The following LRP1B variants were observed in gnomAD, a reference collection of about 807,000 sequenced individuals.
LRP1B encodes the protein low-density lipoprotein receptor-related protein 1B.
LRP1B carries 217 observed loss-of-function variants against 556.6 expected under a neutral mutation model. That is an observed-to-expected ratio of 0.39 (90% CI 0.35 to 0.44). The LOEUF is 0.44. Ranked by LOEUF, LRP1B falls within the 20% of genes least tolerant of loss-of-function variation. LRP1B has a pLI of 1.00. For synonymous variants in LRP1B, 2,047 were observed against 1,865.8 expected, an observed-to-expected ratio of 1.10 and a Z score of -2.50; for missense variants, 5,053 against 5,620.8, an observed-to-expected ratio of 0.90 and a Z score of 3.23.
intron 3 of LRP1B, among the ~76,000 whole-genome samples, chr2:141,399,125 G>A (rs750194671): frequency 2.6e-5 from 4 of 151,910 alleles, no homozygotes; most frequent in African/African-American, 4.8e-5. Context: ...GCGTGGTGGC[G>A]CACTCCTGTA....
chr2:140,826,532 T>C (rs2105065320), intron 31 of LRP1B, among the ~76,000 whole-genome samples: 1 of 152,262 alleles, frequency 6.6e-6, no homozygotes, highest in African/African-American at 2.4e-5. Context: ...AACTCAAGTC[T>C]GAGACTGAGA....
intron 1 of LRP1B, among the ~76,000 whole-genome samples, chr2:142,062,502 C>T (rs1400098628): frequency 2.0e-5 from 3 of 151,628 alleles, no homozygotes; most frequent in Non-Finnish European, 4.4e-5. Context: ...AAAGCTGAGG[C>T]AAAATTTTGA....
intron 7 of LRP1B, among the ~76,000 whole-genome samples, chr2:141,106,119 C>A (rs985080326): frequency 3.9e-5 from 6 of 152,142 alleles, no homozygotes; most frequent in African/African-American, 1.2e-4. Flanking sequence ...TCTCACTTTA[C>A]TTAGAAACAA....
intron 35 of LRP1B, among the ~76,000 whole-genome samples, chr2:140,747,111 C>A (rs2104880598): frequency 6.6e-6 from 1 of 152,180 alleles, no homozygotes; most frequent in South Asian, 2.1e-4. Flanking sequence ...TGTAATAAAC[C>A]ATCCCAAAAG....
chr2:141,056,398 T>A (rs1699179521), intron 9 of LRP1B, among the ~76,000 whole-genome samples: 1 of 151,818 alleles, frequency 6.6e-6, no homozygotes, highest in South Asian at 2.1e-4. Flanking sequence ...CCCACAACAA[T>A]CCTTCCTTCA....
intron 32 of LRP1B, among the ~76,000 whole-genome samples, chr2:140,809,232 G>A (rs1418116719): frequency 6.6e-6 from 1 of 151,872 alleles, no homozygotes. Context: ...AGGTTAGTTT[G>A]CATGGTATTT....
At chr2:141,096,658 G>A (rs1700322455) in intron 7 of LRP1B, among the ~76,000 whole-genome samples, 1 of 123,988 alleles carries the variant, frequency 8.1e-6, no homozygotes, top group African/African-American at 2.9e-5. Flanking sequence ...GAGAGAGAGA[G>A]AGAGAGAGAG....
chr2:140,652,508 T>C (rs544677138), intron 41 of LRP1B, among the ~76,000 whole-genome samples: 2 of 152,182 alleles, frequency 1.3e-5, no homozygotes, highest in African/African-American at 4.8e-5. Context: ...TTAATAACTA[T>C]ACTCATTTGA....
chr2:141,065,566 A>T (rs1300004953), intron 7 of LRP1B, among the ~76,000 whole-genome samples: 1 of 151,894 alleles, frequency 6.6e-6, no homozygotes, highest in Non-Finnish European at 1.5e-5. Flanking sequence ...TGTTTTGAAG[A>T]ATGTTCCAAC....
intron 41 of LRP1B, 53 bp from the exon 42 acceptor site, chr2:140,601,692 C>G (rs138588100): frequency 7.6e-7 from 1 of 1,314,396 alleles, no homozygotes; most frequent in Admixed American, 2.4e-5. Flanking sequence ...AAAAAAATGA[C>G]TTCTGGACAG....
intron 87 of LRP1B, among the ~76,000 whole-genome samples, chr2:140,240,848 G>A (rs1451656841): frequency 2.7e-5 from 4 of 150,868 alleles, no homozygotes; most frequent in East Asian, 2.0e-4. Context: ...AATTAATGGT[G>A]ATATGCACAA....
intron 1 of LRP1B, among the ~76,000 whole-genome samples, chr2:141,899,357 C>T (rs1478372015): frequency 6.6e-6 from 1 of 152,044 alleles, no homozygotes; most frequent in African/African-American, 2.4e-5. Context: ...GTGGTAAATA[C>T]TTTTTATTAT....
intron 43 of LRP1B, among the ~76,000 whole-genome samples, chr2:140,566,367 C>T (rs1157953040): frequency 6.6e-6 from 1 of 152,126 alleles, no homozygotes; most frequent in Admixed American, 6.5e-5. Context: ...CACTGCTGAG[C>T]CCAGCAACTA....
At chr2:141,179,046 A>G (rs1370210929) in intron 7 of LRP1B, among the ~76,000 whole-genome samples, 1 of 152,098 alleles carries the variant, frequency 6.6e-6, no homozygotes, top group Non-Finnish European at 1.5e-5. Context: ...TAGTGTGTAG[A>G]CTGTATAAAT....
intron 1 of LRP1B, among the ~76,000 whole-genome samples, chr2:142,089,072 C>A (rs1160554310): frequency 7.2e-5 from 11 of 151,736 alleles, no homozygotes; most frequent in African/African-American, 2.4e-4. Flanking sequence ...CTTCTATGTT[C>A]CAGACACCCT....
chr2:140,938,719 A>G (rs975814719), intron 20 of LRP1B, among the ~76,000 whole-genome samples: 7 of 152,118 alleles, frequency 4.6e-5, no homozygotes, highest in Non-Finnish European at 1.0e-4. Flanking sequence ...GATTAAATGA[A>G]GTAACAAATA....
intron 41 of LRP1B, chr2:140,683,755 G>A: frequency 1.0e-6 from 1 of 963,700 alleles, no homozygotes; most frequent in Non-Finnish European, 1.6e-6. Context: ...AGCCTTCTCA[G>A]TCTCTCTCTC....
chr2:141,535,315 C>T (rs532948222), intron 2 of LRP1B, among the ~76,000 whole-genome samples: 81 of 152,090 alleles, frequency 5.3e-4, no homozygotes, highest in African/African-American at 1.9e-3. Flanking sequence ...TTTTTATGCA[C>T]GTAAAGTCTA....
At chr2:140,807,885 A>ATCCT (rs144937322) in intron 32 of LRP1B, among the ~76,000 whole-genome samples, 7,737 of 151,906 alleles carry the variant, frequency 0.051, 220 homozygotes, top group African/African-American at 0.052. Context: ...TGTGGTCAGG[A>ATCCT]GTTCAAGACC....
Sources: allele counts gnomAD v4.1 joint callset (sites outside exome capture counted in the v4.1 genomes callset), GRCh38; gene constraint gnomAD v4.1.1; transcripts MANE v1.5; gene names NCBI Gene and HGNC (gene_info 2026-07-23, HGNC 2026-07-21).